DLG2: variants seen among roughly 807,000 people sequenced by gnomAD.
The protein encoded by DLG2 is disks large homolog 2.
In DLG2, 45 loss-of-function variants were observed where a neutral mutation model predicts 132.5. That is an observed-to-expected ratio of 0.34 (90% CI 0.27 to 0.44). DLG2 has a LOEUF of 0.44. Ranked by LOEUF, DLG2 falls within the 20% of genes least tolerant of loss-of-function variation. DLG2 has a pLI of 1.00. For missense variants in DLG2, 1,045 were observed against 1,196.9 expected, an observed-to-expected ratio of 0.87 and a Z score of 1.87; for synonymous variants, 424 against 419.6, an observed-to-expected ratio of 1.01 and a Z score of -0.13.
chr11:84,570,077 A>C (rs930319291), intron 6 of DLG2, among the ~76,000 whole-genome samples: 2 of 152,200 alleles, frequency 1.3e-5, no homozygotes, highest in Non-Finnish European at 2.9e-5. Context: ...AACCAAAAAA[A>C]TAACTAGGGA....
chr11:83,570,447 T>C (rs1281080967), intron 19 of DLG2, among the ~76,000 whole-genome samples: 2 of 152,318 alleles, frequency 1.3e-5, no homozygotes, highest in South Asian at 2.1e-4. Context: ...GTTATGGCTA[T>C]TTTTAGAATA....
chr11:84,103,986 A>T (rs138105165), intron 9 of DLG2, among the ~76,000 whole-genome samples: 1 of 152,234 alleles, frequency 6.6e-6, no homozygotes, highest in East Asian at 1.9e-4. Context: ...AAATAATCAG[A>T]GAAACATGAA....
At chr11:84,986,453 C>T (rs991487717) in intron 6 of DLG2, among the ~76,000 whole-genome samples, 2 of 152,108 alleles carry the variant, frequency 1.3e-5, no homozygotes, top group African/African-American at 4.8e-5. Flanking sequence ...ATACCAAAAC[C>T]AGGAAAGGAC....
chr11:84,303,060 G>A (rs2098174002), intron 7 of DLG2, among the ~76,000 whole-genome samples: 1 of 152,160 alleles, frequency 6.6e-6, no homozygotes, highest in Non-Finnish European at 1.5e-5. Context: ...GGGCAGAGCT[G>A]AGATTGCACC....
intron 6 of DLG2, chr11:84,923,167 C>T (rs763118503): frequency 1.2e-6 from 2 of 1,612,220 alleles, no homozygotes; most frequent in East Asian, 4.5e-5. Flanking sequence ...CTCAGCACAG[C>T]GCAAGCCCCA....
At chr11:85,343,673 C>T (rs2082649099) in intron 3 of DLG2, among the ~76,000 whole-genome samples, 1 of 152,078 alleles carries the variant, frequency 6.6e-6, no homozygotes, top group African/African-American at 2.4e-5. Flanking sequence ...CATACACACA[C>T]ACACACATAT....
chr11:84,876,338 T>C (rs2086347028), intron 6 of DLG2, among the ~76,000 whole-genome samples: 2 of 152,200 alleles, frequency 1.3e-5, no homozygotes, highest in African/African-American at 2.4e-5. Context: ...TGGTAGGCTA[T>C]TAATTACTGC....
At chr11:84,040,397 A>G (rs1400922466) in intron 11 of DLG2, among the ~76,000 whole-genome samples, 1 of 151,694 alleles carries the variant, frequency 6.6e-6, no homozygotes, top group African/African-American at 2.4e-5. Context: ...TGATTTTTGT[A>G]TAATGTGTAA....
chr11:84,291,737 C>T (rs573056191), intron 7 of DLG2, among the ~76,000 whole-genome samples: 5 of 152,070 alleles, frequency 3.3e-5, no homozygotes, highest in Non-Finnish European at 7.4e-5. Flanking sequence ...GCTAATTAGG[C>T]AAAGTTTTTC....
chr11:83,703,206 C>T (rs1172799270), intron 18 of DLG2, among the ~76,000 whole-genome samples: 1 of 152,210 alleles, frequency 6.6e-6, no homozygotes, highest in Non-Finnish European at 1.5e-5. Flanking sequence ...GGGAATCTCT[C>T]TGACCATATC....
At chr11:84,843,064 A>G (rs1389523844) in intron 6 of DLG2, among the ~76,000 whole-genome samples, 2 of 152,018 alleles carry the variant, frequency 1.3e-5, no homozygotes, top group African/African-American at 4.8e-5. Flanking sequence ...GCTGTACAAC[A>G]TAGTGCCTAT....
chr11:83,830,316 T>C (rs1358400648), intron 17 of DLG2, among the ~76,000 whole-genome samples: 2 of 152,236 alleles, frequency 1.3e-5, no homozygotes, highest in Non-Finnish European at 2.9e-5. Context: ...GATAAATCTA[T>C]TTTTGAAGCA....
At chr11:85,349,104 T>C (rs1425440849) in intron 3 of DLG2, among the ~76,000 whole-genome samples, 1 of 152,164 alleles carries the variant, frequency 6.6e-6, no homozygotes, top group Non-Finnish European at 1.5e-5. Context: ...TAGCTTTCTT[T>C]CTTTGGAATT....
chr11:85,612,068 A>G (rs974253397), intron 2 of DLG2, among the ~76,000 whole-genome samples: 1 of 152,238 alleles, frequency 6.6e-6, no homozygotes. Flanking sequence ...AGACAGAAAG[A>G]AATAGAAGTA....
At chr11:84,556,946 A>T (rs896681917) in intron 6 of DLG2, among the ~76,000 whole-genome samples, 17 of 152,178 alleles carry the variant, frequency 1.1e-4, no homozygotes, top group African/African-American at 3.9e-4. Flanking sequence ...TCCATCTTTA[A>T]AAAGTATTAC....
intron 6 of DLG2, among the ~76,000 whole-genome samples, chr11:84,756,576 A>C (rs2066903376): frequency 6.6e-6 from 1 of 152,202 alleles, no homozygotes; most frequent in East Asian, 1.9e-4. Flanking sequence ...CACTTACCTT[A>C]GAAGGTTGTT....
At chr11:84,172,298 G>A (rs1055105791) in intron 8 of DLG2, among the ~76,000 whole-genome samples, 1 of 151,778 alleles carries the variant, frequency 6.6e-6, no homozygotes, top group Non-Finnish European at 1.5e-5. Context: ...TTAAATAAAC[G>A]CTCACAAGCT....
chr11:84,352,838 T>C (rs531032134), intron 7 of DLG2, among the ~76,000 whole-genome samples: 20 of 152,180 alleles, frequency 1.3e-4, no homozygotes, highest in Non-Finnish European at 2.5e-4. Context: ...AGACAGTGGG[T>C]GCTCACAAAT....
At chr11:84,753,292 G>A (rs2066425431) in intron 6 of DLG2, among the ~76,000 whole-genome samples, 1 of 152,144 alleles carries the variant, frequency 6.6e-6, no homozygotes, top group African/African-American at 2.4e-5. Context: ...GATGTGACTG[G>A]ATAAAGAAAG....
Sources: allele counts gnomAD v4.1 joint callset (sites outside exome capture counted in the v4.1 genomes callset), GRCh38; gene constraint gnomAD v4.1.1; transcripts MANE v1.5; gene names NCBI Gene and HGNC (gene_info 2026-07-23, HGNC 2026-07-21).